The following KCNMA1 variants were observed in gnomAD, a reference collection of about 807,000 sequenced individuals.
The protein encoded by KCNMA1 is potassium calcium-activated channel subfamily M alpha 1.
KCNMA1 carries 29 observed loss-of-function variants against 140.0 expected under a neutral mutation model. The ratio of observed to expected loss-of-function variants is 0.21; its 90% CI spans 0.15 to 0.28. KCNMA1 has a LOEUF of 0.28. Among genes scored for constraint, KCNMA1 ranks in the 10% least tolerant of loss-of-function variants. The pLI, the probability that KCNMA1 is intolerant of heterozygous loss-of-function variation, is 1.00. For missense variants in KCNMA1, 880 were observed against 1,602.2 expected (o/e 0.55, Z 7.70); for synonymous variants, 612 against 611.9 (o/e 1.00, Z 0.00).
At chr10:77,629,862 C>T (rs2092981921) in intron 1 of KCNMA1, among the ~76,000 whole-genome samples, 1 of 152,206 alleles carries the variant, frequency 6.6e-6, no homozygotes, top group South Asian at 2.1e-4. Context: ...CGCCACGATG[C>T]TAGGTCCTTC....
intron 2 of KCNMA1, among the ~76,000 whole-genome samples, chr10:77,310,723 G>A (rs547400296): frequency 2.8e-4 from 43 of 152,276 alleles, no homozygotes; most frequent in African/African-American, 7.9e-4. Context: ...ACAAGTTGTC[G>A]TGGCAGCTTA....
chr10:77,091,861 G>A (rs2096826764), intron 9 of KCNMA1: 1 of 152,196 alleles, frequency 6.6e-6, no homozygotes, highest in African/African-American at 2.4e-5. Context: ...TTGTAATTTG[G>A]TGCTTGACTA....
intron 2 of KCNMA1, among the ~76,000 whole-genome samples, chr10:77,255,131 C>T (rs1169985106): frequency 1.3e-5 from 2 of 152,174 alleles, no homozygotes; most frequent in African/African-American, 4.8e-5. Flanking sequence ...ACTGAAAACA[C>T]CCATATACTG....
chr10:77,572,004 G>A (rs1243138890), intron 1 of KCNMA1, among the ~76,000 whole-genome samples: 2 of 152,190 alleles, frequency 1.3e-5, no homozygotes, highest in Non-Finnish European at 2.9e-5. Flanking sequence ...GCACACGCCT[G>A]TGTAGTCAGC....
rs1196371060 is a variant in KCNMA1, at chr10:76,919,982, TTGTGTGTG to T, written c.2903-4941_2903-4934del. 3.6e-4 allele frequency among the ~76,000 whole-genome samples: 28 copies of T among 77,608 alleles called. 1 individual carries two copies. Among genetic ancestry groups the T allele is most frequent in the East Asian group, 1.7e-3 (3 of 1,816 alleles). The allele number at this position is 77,608 out of a possible 152,430, so 50.9% of individuals were successfully genotyped here. ...AATACTAATGAGAAGGCAATGAGCA[TTGTGTGTG>T]TGTGTGTGTGTGTGTGTGTGTGTGT... On this transcript the variant is annotated intron_variant, in intron 23 of 27. Transcript: ENST00000286628.
At chr10:77,223,522 A>T (rs2050344083) in intron 3 of KCNMA1, among the ~76,000 whole-genome samples, 1 of 152,254 alleles carries the variant, frequency 6.6e-6, no homozygotes, top group Non-Finnish European at 1.5e-5. Flanking sequence ...ATCCCATGAC[A>T]TCCAAGATGG....
intron 2 of KCNMA1, among the ~76,000 whole-genome samples, chr10:77,383,187 G>T (rs1041825537): frequency 1.3e-5 from 2 of 151,626 alleles, no homozygotes; most frequent in Admixed American, 1.3e-4. Flanking sequence ...TTGTTCAGGG[G>T]TGCAGGTACC....
At chr10:77,066,172 T>C (rs1206878701) in intron 14 of KCNMA1, among the ~76,000 whole-genome samples, 1 of 152,008 alleles carries the variant, frequency 6.6e-6, no homozygotes, top group Non-Finnish European at 1.5e-5. Flanking sequence ...TGAAGATAGA[T>C]TGGAGGTGGG....
At position 77,529,240 on chromosome 10, in the gene KCNMA1, C is replaced by T. The variant is rs2056904605; in HGVS notation, c.378+108025G>A. ...TGTGTTCCTGCCCTCCCCTCTTTTT[C>T]CCCCTGCACCACTCTGCCTGTGGTT... On this transcript the variant is annotated intron_variant, in intron 1 of 27. Transcript: ENST00000286628. Among the ~76,000 whole-genome samples the T allele has an allele frequency of 5.0e-5, 3 of 59,878 alleles. No individual in the cohort carries two copies. The Admixed American group carries it at 5.3e-4, about 11-fold the overall frequency. 39.3% of individuals were successfully genotyped at this position (59,878 alleles called of 152,430 possible).
intron 1 of KCNMA1, among the ~76,000 whole-genome samples, chr10:77,442,826 T>A: frequency 6.6e-6 from 1 of 151,810 alleles, no homozygotes; most frequent in South Asian, 2.1e-4. Context: ...GCCACAGGAG[T>A]CAGCATGTTT....
At chr10:76,929,141 C>A (rs565673615) in intron 23 of KCNMA1, among the ~76,000 whole-genome samples, 13 of 152,072 alleles carry the variant, frequency 8.5e-5, no homozygotes, top group Non-Finnish European at 1.6e-4. Context: ...GAAGGGCTTC[C>A]TTTGGAAATA....
intron 5 of KCNMA1, among the ~76,000 whole-genome samples, chr10:77,160,615 T>G (rs1459207690): frequency 6.6e-6 from 1 of 152,184 alleles, no homozygotes; most frequent in Non-Finnish European, 1.5e-5. Flanking sequence ...ATTTACTACT[T>G]GTGTGACACT....
intron 5 of KCNMA1, among the ~76,000 whole-genome samples, chr10:77,179,236 A>T (rs1434335392): frequency 6.6e-6 from 1 of 152,226 alleles, no homozygotes; most frequent in East Asian, 1.9e-4. Context: ...GCGACCCATC[A>T]GCAAACAGTT....
intron 17 of KCNMA1, among the ~76,000 whole-genome samples, chr10:77,013,380 T>C (rs1033929316): frequency 1.3e-5 from 2 of 151,946 alleles, no homozygotes; most frequent in African/African-American, 4.8e-5. Context: ...TCCTAGCAAA[T>C]TCTCCACTCT....
Position 77,637,546 on chromosome 10 carries a change from G to C in KCNMA1, c.97C>G (p.His33Asp), listed in dbSNP as rs2093891400. Residue 33 changes from histidine to aspartate, a missense_variant, in exon 1 of 28, where the codon CAT becomes GAT. By Grantham distance (81) the His-to-Asp change is moderately conservative. This residue lies in a region of KCNMA1 where 94 missense variants were observed against 92.4 expected (regional missense o/e 1.02). Transcript: ENST00000286628. ...GAGGAGGACGCGTCTAGGCTGAGATGGTTCGCGTGGATATTGCTACTCATT... is the reference window on the plus strand; with the variant it reads ...GAGGAGGACGCGTCTAGGCTGAGATCGTTCGCGTGGATATTGCTACTCATT... ...LRMSSNIHANHLSLDASSSSS... is the reference protein window; with the variant it reads ...LRMSSNIHANDLSLDASSSSS... The C allele has an allele frequency of 6.5e-7, 1 of 1,544,954 alleles. No individual in the cohort carries two copies. The highest frequency in any genetic ancestry group is 1.2e-5 in the South Asian group (1 of 84,540).
At chr10:77,090,539 C>T (rs768583836) in intron 9 of KCNMA1, 29 bp from the exon 10 acceptor site, 1 of 1,460,902 alleles carries the variant, frequency 6.8e-7, no homozygotes, top group Non-Finnish European at 9.6e-7. Flanking sequence ...TTAGATCAGG[C>T]CAGGCACCAC....
rs1183581623 is a variant in KCNMA1 at position 77,298,407 on chromosome 10, A to T, written c.541-47151T>A. Among the ~76,000 whole-genome samples the T allele has an allele frequency of 2.6e-5, 4 of 152,136 alleles. No homozygotes were observed. In the East Asian group the frequency reaches 7.7e-4, roughly 29 times the overall value. ...CAGGCATTCACCACCACGCTCAGCTAATCTTTGTACTTTTAGCAGAGACAG... is the reference window on the plus strand; with the variant it reads ...CAGGCATTCACCACCACGCTCAGCTTATCTTTGTACTTTTAGCAGAGACAG... On this transcript the variant is annotated intron_variant, in intron 2 of 27. Transcript: ENST00000286628.
At chr10:77,525,253 G>A (rs1214441220) in intron 1 of KCNMA1, among the ~76,000 whole-genome samples, 1 of 152,112 alleles carries the variant, frequency 6.6e-6, no homozygotes. Flanking sequence ...CAGGCAGTAA[G>A]AATATGAAAA....
At chr10:76,996,246 A>T (rs1156736003) in intron 19 of KCNMA1, among the ~76,000 whole-genome samples, 1 of 152,230 alleles carries the variant, frequency 6.6e-6, no homozygotes, top group Admixed American at 6.5e-5. Context: ...CTGCCTTACA[A>T]TGCTGATTTA....
Sources: gnomAD v4.1 joint callset for allele counts (sites outside exome capture counted in the v4.1 genomes callset) on GRCh38, gnomAD v4.1.1 for gene constraint, gnomAD v4.1.1 regional missense constraint, MANE v1.5 for transcripts, NCBI Gene and HGNC (gene_info 2026-07-23, HGNC 2026-07-21) for gene names.